TRHR: variants seen among roughly 807,000 people sequenced by gnomAD.
The protein encoded by TRHR is thyrotropin releasing hormone receptor, also known as thyrotropin-releasing hormone receptor.
TRHR carries 14 observed loss-of-function variants against 28.0 expected under a neutral mutation model. The observed-to-expected ratio is 0.50, with a 90% CI of 0.33 to 0.78. The LOEUF (loss-of-function observed/expected upper bound fraction) is 0.78. TRHR is among the 30% of genes least tolerant of loss of function. TRHR has a pLI of 0.02. For synonymous variants in TRHR, 176 were observed against 171.9 expected (o/e 1.02, Z -0.18); for missense variants, 438 against 469.5 (o/e 0.93, Z 0.62).
chr8:109,102,099 G>A lies in TRHR; in HGVS notation c.789+13798G>A, dbSNP rs188561432. On this transcript the variant is annotated intron_variant, in intron 2 of 2. Coordinates refer to ENST00000518632, the MANE Select transcript of TRHR (RefSeq NM_003301.7). Reference sequence around the variant, plus strand: ...AGGTGTTGGGGAAATAAATAAGATTGCATAATGTTGCTGAATGATGAATGG... The same window carrying A: ...AGGTGTTGGGGAAATAAATAAGATTACATAATGTTGCTGAATGATGAATGG... Among the ~76,000 whole-genome samples, 378 of 152,216 alleles carry A rather than the reference G, an allele frequency of 2.5e-3. 1 individual carries two copies. Among genetic ancestry groups the A allele is most frequent in the Non-Finnish European group, 4.4e-3 (300 of 67,998 alleles).
At chr8:109,096,689 T>C (rs879385136) in intron 2 of TRHR, among the ~76,000 whole-genome samples, 3 of 152,268 alleles carry the variant, frequency 2.0e-5, no homozygotes, top group Admixed American at 1.3e-4. Context: ...TCAGCAAATA[T>C]GACAAGCCAG....
intron 2 of TRHR, among the ~76,000 whole-genome samples, chr8:109,115,508 C>T (rs1468962035): frequency 6.6e-6 from 1 of 152,110 alleles, no homozygotes; most frequent in African/African-American, 2.4e-5. Flanking sequence ...TGTAGTTCTC[C>T]TTGAAGAGGT....
At chr8:109,116,943 G>C (rs1270975758) in intron 2 of TRHR, among the ~76,000 whole-genome samples, 1 of 152,010 alleles carries the variant, frequency 6.6e-6, no homozygotes, top group Non-Finnish European at 1.5e-5. Flanking sequence ...AAATGCACAG[G>C]AGAGATACTA....
At chr8:109,104,973 G>T (rs1811727729) in intron 2 of TRHR, among the ~76,000 whole-genome samples, 2 of 152,020 alleles carry the variant, frequency 1.3e-5, no homozygotes, top group African/African-American at 2.4e-5. Context: ...TATATTTAAT[G>T]CAACAGACTA....
At chr8:109,088,609 A>G (rs1246966006) in intron 2 of TRHR, among the ~76,000 whole-genome samples, 5 of 152,246 alleles carry the variant, frequency 3.3e-5, no homozygotes, top group Non-Finnish European at 5.9e-5. Flanking sequence ...TGGAAATGTT[A>G]TCAGAATATT....
At chr8:109,089,146 C>A (rs577802541) in intron 2 of TRHR, among the ~76,000 whole-genome samples, 1 of 151,984 alleles carries the variant, frequency 6.6e-6, no homozygotes, top group Non-Finnish European at 1.5e-5. Flanking sequence ...ATATCATTTA[C>A]ACATTTATCT....
At chr8:109,094,408 C>A (rs941819923) in intron 2 of TRHR, among the ~76,000 whole-genome samples, 1 of 151,982 alleles carries the variant, frequency 6.6e-6, no homozygotes, top group Non-Finnish European at 1.5e-5. Flanking sequence ...CACACTGCTG[C>A]GCCCAGCTTA....
At chr8:109,096,708 CTT>C (rs1158508684) in intron 2 of TRHR, among the ~76,000 whole-genome samples, 1 of 152,082 alleles carries the variant, frequency 6.6e-6, no homozygotes, top group African/African-American at 2.4e-5. Flanking sequence ...AGGGCCCCCT[CTT>C]TTTTTGTGGA....
At chr8:109,088,360 A>T in intron 2 of TRHR, 59 bp downstream of exon 2, 2 of 1,576,686 alleles carry the variant, frequency 1.3e-6, no homozygotes, top group Non-Finnish European at 1.7e-6. Flanking sequence ...TTCCTTGGAG[A>T]TGGGAAACAA....
At chr8:109,107,674 C>T (rs1811771797) in intron 2 of TRHR, among the ~76,000 whole-genome samples, 1 of 152,176 alleles carries the variant, frequency 6.6e-6, no homozygotes, top group South Asian at 2.1e-4. Context: ...TCCATTCAGT[C>T]TGCTAGGTTA....
At chr8:109,089,076 G>A (rs1019704972) in intron 2 of TRHR, among the ~76,000 whole-genome samples, 13 of 152,036 alleles carry the variant, frequency 8.6e-5, no homozygotes, top group African/African-American at 3.1e-4. Context: ...TTTTACTAGT[G>A]AACCAAGTGC....
intron 2 of TRHR, among the ~76,000 whole-genome samples, chr8:109,104,963 T>A (rs535199469): frequency 6.6e-6 from 1 of 152,246 alleles, no homozygotes; most frequent in Non-Finnish European, 1.5e-5. Flanking sequence ...CTTGAATAAA[T>A]ATATTTAATG....
chr8:109,120,980 C>T lies in TRHR; in HGVS notation c.*1525C>T, dbSNP rs1682229073. The stretch of plus-strand genomic sequence containing the variant: ...AACCTAATCGCTAATGATAATTATG[C>T]CTCCCCATCTTCTTAATGAAGAATA... On this transcript the variant is annotated 3_prime_UTR_variant, in exon 3 of 3. Transcript: ENST00000518632. Among the ~76,000 whole-genome samples, 1 of 151,508 alleles carries T rather than the reference C, an allele frequency of 6.6e-6. No individual in the cohort carries two copies. Among genetic ancestry groups the T allele is most frequent in the Non-Finnish European group, 1.5e-5 (1 of 67,756 alleles).
Position 109,087,883 on chromosome 8 carries a change from A to G in TRHR, c.371A>G (p.Tyr124Cys). Reference protein sequence around the residue: ...CSITAFTIERYIAICHPIKAQ... With the variant: ...CSITAFTIERCIAICHPIKAQ... ...ATAACAGCCTTTACCATTGAGAGGTACATAGCAATCTGTCACCCCATCAAA... is the reference window on the plus strand; with the variant it reads ...ATAACAGCCTTTACCATTGAGAGGTGCATAGCAATCTGTCACCCCATCAAA... Residue 124 changes from tyrosine (Y) to cysteine (C), a missense_variant, in exon 2 of 3, where the codon TAC (tyrosine) becomes TGC (cysteine). Coordinates refer to ENST00000518632, the MANE Select transcript of TRHR (RefSeq NM_003301.7). 1 of 1,614,218 alleles carries G rather than the reference A, an allele frequency of 6.2e-7. No homozygotes were observed. The highest frequency in any genetic ancestry group is 8.5e-7 in the Non-Finnish European group (1 of 1,180,036).
chr8:109,118,925 C>T lies in TRHR; in HGVS notation c.790-123C>T, dbSNP rs972789934. 2.5e-5 allele frequency: 30 copies of T among 1,204,948 alleles called. 1 individual carries two copies. The highest frequency in any genetic ancestry group is 3.9e-4 in the Middle Eastern group (2 of 5,166). The allele number at this position is 1,204,948 out of a possible 1,614,324, so 74.6% of individuals were successfully genotyped here. Reference sequence around the variant, plus strand: ...CTGGGATCACCTCCCCAATAAATGACCTGCACCTAACTCCTTGTCTCAGAC... The same window carrying T: ...CTGGGATCACCTCCCCAATAAATGATCTGCACCTAACTCCTTGTCTCAGAC... On this transcript the variant is annotated intron_variant, in intron 2 of 2. Transcript: ENST00000518632.
Position 109,119,042 on chromosome 8 carries a change from C to A in TRHR, c.790-6C>A, listed in dbSNP as rs748676239. 1 of 1,612,438 alleles carries A rather than the reference C, an allele frequency of 6.2e-7. No homozygotes were observed. Among genetic ancestry groups the A allele is most frequent in the East Asian group, 2.2e-5 (1 of 44,826 alleles). ...TTGTACAGCATTTCTCTCTATTTCT[C>A]CCTAGGTCACCAAGATGCTGGCAGT... On this transcript the variant is annotated splice_region_variant and splice_polypyrimidine_tract_variant and intron_variant, in intron 2 of 2. Transcript: ENST00000518632.
intron 2 of TRHR, among the ~76,000 whole-genome samples, chr8:109,115,891 C>T (rs561209245): frequency 2.0e-5 from 3 of 152,228 alleles, no homozygotes; most frequent in African/African-American, 7.2e-5. Context: ...TGCCAGTTTT[C>T]AGAGGGAATG....
chr8:109,114,687 A>G (rs1811891636), intron 2 of TRHR, among the ~76,000 whole-genome samples: 1 of 152,076 alleles, frequency 6.6e-6, no homozygotes, highest in South Asian at 2.1e-4. Flanking sequence ...AATCTCTGCA[A>G]GAACAGTCTT....
intron 2 of TRHR, among the ~76,000 whole-genome samples, chr8:109,107,199 T>C (rs1811764568): frequency 1.3e-5 from 2 of 152,190 alleles, no homozygotes; most frequent in African/African-American, 4.8e-5. Context: ...ATATTATTAT[T>C]ATTTATCATC....
Sources: gnomAD v4.1 joint callset for allele counts (sites outside exome capture counted in the v4.1 genomes callset) on GRCh38, gnomAD v4.1.1 for gene constraint, MANE v1.5 for transcripts, NCBI Gene and HGNC (gene_info 2026-07-23, HGNC 2026-07-21) for gene names.